Variants in GON4L observed in about 807,000 individuals in gnomAD.
GON4L encodes gon-4 like.
GON4L carries 87 observed loss-of-function variants against 211.8 expected under a neutral mutation model. The ratio of observed to expected loss-of-function variants is 0.41; its 90% CI spans 0.35 to 0.49. GON4L has a LOEUF of 0.49. GON4L is among the 20% of genes least tolerant of loss of function. GON4L has a pLI of 0.15. For synonymous variants in GON4L, 875 were observed against 962.6 expected, an observed-to-expected ratio of 0.91 and a Z score of 1.68; for missense variants, 2,155 against 2,659.5, an observed-to-expected ratio of 0.81 and a Z score of 4.17.
In GON4L at chr1:155,812,536, TA is replaced by T. The variant is rs369848534; in HGVS notation, c.1452+1097del. 3.1e-3 allele frequency among the ~76,000 whole-genome samples: 468 copies of T among 152,086 alleles called. 4 individuals are homozygous for T. The highest frequency in any genetic ancestry group is 0.011 in the African/African-American group (451 of 41,480). On this transcript the variant is annotated intron_variant, in intron 10 of 31. Coordinates refer to ENST00000368331, the MANE Select transcript of GON4L (RefSeq NM_001282860.2). ...AACCAGAATAAGCACTTTAATATAT[TA>T]TGTAATATTACTGTATCCTGATTTT...
chr1:155,826,260 A>G (rs888908656), intron 3 of GON4L, among the ~76,000 whole-genome samples: 3 of 151,900 alleles, frequency 2.0e-5, no homozygotes, highest in Non-Finnish European at 4.4e-5. Flanking sequence ...CATTCAAATA[A>G]AAGACAAAAA....
At chr1:155,771,023 C>T (rs776884722) in intron 19 of GON4L, 44 bp downstream of exon 19, 3 of 1,612,520 alleles carry the variant, frequency 1.9e-6, no homozygotes, top group Non-Finnish European at 2.5e-6. Flanking sequence ...AGAATGGGTA[C>T]ATATTGGTGA....
rs1668736130 is a variant in GON4L, at chr1:155,821,480, T to C, written c.957A>G (p.Pro319=). ...KAAISETEDM[P]MFEPKMTRSK... The stretch of plus-strand genomic sequence containing the variant: ...GTGATAATCAACTACTCACAAACAT[T>C]GGCATATCTTCCGTCTCACTGATGG... The change falls in exon 5 of 32, where the codon CCA becomes CCG. Residue 319 remains proline, a synonymous_variant. Transcript: ENST00000368331. The C allele has an allele frequency of 1.3e-6, 2 of 1,573,334 alleles. No individual in the cohort carries two copies. The highest frequency in any genetic ancestry group is 1.7e-6 in the Non-Finnish European group (2 of 1,142,934).
At chr1:155,772,659 C>CT (rs1166272494) in intron 18 of GON4L, among the ~76,000 whole-genome samples, 2 of 151,852 alleles carry the variant, frequency 1.3e-5, no homozygotes, top group Non-Finnish European at 2.9e-5. Context: ...TCCGTGGAGG[C>CT]TGAGGTGCAA....
At position 155,749,824 on chromosome 1, in the gene GON4L, C is replaced by T; in HGVS notation, c.*760G>A. The T allele has an allele frequency of 2.1e-6, 3 of 1,462,698 alleles. No individual in the cohort carries two copies. Among genetic ancestry groups the T allele is most frequent in the Non-Finnish European group, 2.8e-6 (3 of 1,086,072 alleles). 90.6% of individuals were successfully genotyped at this position (1,462,698 alleles called of 1,614,324 possible). A position where few individuals can be genotyped will look rare whatever the true frequency, so the allele number is the denominator to read the frequency against. Reference sequence around the variant, plus strand: ...CAATACACCAAATTTGTTGAGTTTACAATCAAGTCTACTAAGGTTGGACTT... The same window carrying T: ...CAATACACCAAATTTGTTGAGTTTATAATCAAGTCTACTAAGGTTGGACTT... On this transcript the variant is annotated 3_prime_UTR_variant, in exon 32 of 32. Coordinates refer to ENST00000368331, the MANE Select transcript of GON4L (RefSeq NM_001282860.2).
chr1:155,824,060 A>G (rs1553214381), intron 3 of GON4L, among the ~76,000 whole-genome samples: 4 of 152,102 alleles, frequency 2.6e-5, no homozygotes, highest in Non-Finnish European at 5.9e-5. Flanking sequence ...TTCAGCAAAA[A>G]ATCTATAGAA....
intron 3 of GON4L, among the ~76,000 whole-genome samples, chr1:155,823,474 T>C (rs1223186200): frequency 6.6e-6 from 1 of 152,204 alleles, no homozygotes; most frequent in East Asian, 1.9e-4. Context: ...GAAGGAATAC[T>C]GAACATTTTC....
downstream of GON4L, among the ~76,000 whole-genome samples, chr1:155,746,369 C>CG (rs1237315451): frequency 1.6e-5 from 1 of 63,478 alleles, no homozygotes; most frequent in Non-Finnish European, 2.8e-5. Flanking sequence ...CTGCAGCACT[C>CG]CTGTCAGACC....
intron 12 of GON4L, among the ~76,000 whole-genome samples, chr1:155,792,605 T>A (rs1252589310): frequency 6.6e-6 from 1 of 152,036 alleles, no homozygotes; most frequent in Non-Finnish European, 1.5e-5. Flanking sequence ...CGAAGGAGGA[T>A]CTCCCTGAGA....
chr1:155,808,821 A>G (rs1245902212), intron 10 of GON4L, among the ~76,000 whole-genome samples: 2 of 152,002 alleles, frequency 1.3e-5, no homozygotes. Context: ...TAGGTTACCC[A>G]GGCTTGTCTT....
intron 16 of GON4L, 131 bp downstream of exon 16, chr1:155,776,264 A>G (rs1302545275): frequency 3.9e-6 from 3 of 766,756 alleles, no homozygotes; most frequent in Non-Finnish European, 6.9e-6. Flanking sequence ...CTTAACAGAA[A>G]GCAGGCAAAA....
intron 10 of GON4L, among the ~76,000 whole-genome samples, chr1:155,806,939 C>T (rs534423602): frequency 3.9e-5 from 6 of 151,960 alleles, no homozygotes; most frequent in African/African-American, 1.4e-4. Flanking sequence ...ATCTCTGCCA[C>T]AAACAAACAA....
In GON4L at chr1:155,776,373, T is replaced by G. The variant is rs200969132; in HGVS notation, c.2178+22A>C. 1.0e-4 allele frequency: 150 copies of G among 1,470,004 alleles called. No individual in the cohort carries two copies. In the African/African-American group the frequency reaches 1.4e-3, roughly 14 times the overall value. 91.1% of individuals were successfully genotyped at this position (1,470,004 alleles called of 1,614,324 possible). A position where few individuals can be genotyped will look rare whatever the true frequency, so the allele number is the denominator to read the frequency against. On this transcript the variant is annotated intron_variant, in intron 16 of 31. Coordinates refer to ENST00000368331, the MANE Select transcript of GON4L (RefSeq NM_001282860.2). ...TAATTTCATACTCTAGTCTTTAGAG[T>G]TATGGATATTTGGAAACTTACAAGA...
intron 24 of GON4L, among the ~76,000 whole-genome samples, chr1:155,759,050 G>T (rs1661486317): frequency 6.6e-6 from 1 of 152,094 alleles, no homozygotes; most frequent in African/African-American, 2.4e-5. Flanking sequence ...AAACTGGAGT[G>T]TAGTGGAGCA....
chr1:155,844,201 G>GC (rs1280008052), intron 2 of GON4L, among the ~76,000 whole-genome samples: 1 of 152,150 alleles, frequency 6.6e-6, no homozygotes, highest in Non-Finnish European at 1.5e-5. Flanking sequence ...AGAATCTCTG[G>GC]CCACCAACAC....
intron 11 of GON4L, among the ~76,000 whole-genome samples, chr1:155,797,998 T>C (rs1293177102): frequency 6.6e-6 from 1 of 151,690 alleles, no homozygotes; most frequent in Non-Finnish European, 1.5e-5. Context: ...GAAGGACTGC[T>C]TGAGCCCAGG....
chr1:155,775,426 A>G (rs1663680852), intron 16 of GON4L, among the ~76,000 whole-genome samples: 1 of 151,966 alleles, frequency 6.6e-6, no homozygotes, highest in Non-Finnish European at 1.5e-5. Context: ...CTCCTGAACT[A>G]GAAGTAAGAT....
At chr1:155,831,454 A>AAAATAAAT (rs143578512) in intron 2 of GON4L, 54 of 141,116 alleles carry the variant, frequency 3.8e-4, no homozygotes, top group Middle Eastern at 3.5e-3. Flanking sequence ...TGTCTCGTTA[A>AAAATAAAT]AAATAAATAA....
intron 3 of GON4L, among the ~76,000 whole-genome samples, chr1:155,823,023 G>A (rs1468451317): frequency 1.3e-5 from 2 of 152,060 alleles, no homozygotes; most frequent in African/African-American, 2.4e-5. Flanking sequence ...TTGAACTCCC[G>A]ACCTCAGGTG....
Sources: gnomAD v4.1 joint callset for allele counts (sites outside exome capture counted in the v4.1 genomes callset) on GRCh38, gnomAD v4.1.1 for gene constraint, MANE v1.5 for transcripts, NCBI Gene and HGNC (gene_info 2026-07-23, HGNC 2026-07-21) for gene names.